SLC30A8: variants seen among roughly 807,000 people sequenced by gnomAD.
SLC30A8 encodes the protein solute carrier family 30 member 8, also known as proton-coupled zinc antiporter SLC30A8.
Under a neutral mutation model 36.9 loss-of-function variants are expected in SLC30A8, and 27 were observed. That is an observed-to-expected ratio of 0.73 (90% CI 0.54 to 1.01). The LOEUF is 1.01. Among genes scored for constraint, SLC30A8 ranks in the 50% least tolerant of loss-of-function variants. SLC30A8 has a pLI of 0.00. For missense variants in SLC30A8, 439 were observed against 452.0 expected (o/e 0.97, Z 0.26); for synonymous variants, 164 against 172.4 (o/e 0.95, Z 0.38).
chr8:117,065,286 T>G (rs959715090), intron 2 of SLC30A8, among the ~76,000 whole-genome samples: 4 of 152,116 alleles, frequency 2.6e-5, no homozygotes, highest in African/African-American at 4.8e-5. Flanking sequence ...GTGTCTAACA[T>G]TTGTGAGTTG....
chr8:117,100,775 C>A (rs1407458399), intron 2 of SLC30A8, among the ~76,000 whole-genome samples: 2 of 152,166 alleles, frequency 1.3e-5, no homozygotes, highest in African/African-American at 4.8e-5. Flanking sequence ...TTGAAGAAAC[C>A]TGTACTCATT....
intron 2 of SLC30A8, among the ~76,000 whole-genome samples, chr8:117,114,255 T>C (rs908650604): frequency 2.0e-5 from 3 of 152,098 alleles, no homozygotes; most frequent in African/African-American, 7.2e-5. Flanking sequence ...AGATTAGGAT[T>C]TGAATGGAAA....
chr8:117,076,718 TTATC>T, intron 2 of SLC30A8, among the ~76,000 whole-genome samples: 1 of 152,302 alleles, frequency 6.6e-6, no homozygotes, highest in East Asian at 1.9e-4. Flanking sequence ...ATTACCTTAT[TTATC>T]TATCTCCACT....
intron 1 of SLC30A8, among the ~76,000 whole-genome samples, chr8:116,956,813 A>C (rs1814222099): frequency 6.6e-6 from 1 of 152,226 alleles, no homozygotes; most frequent in Non-Finnish European, 1.5e-5. Context: ...CGAAGTAAAA[A>C]TGTTAAAATA....
chr8:117,015,546 CCCA>C (rs1271305480), intron 1 of SLC30A8, among the ~76,000 whole-genome samples: 1 of 151,524 alleles, frequency 6.6e-6, no homozygotes, highest in African/African-American at 2.4e-5. Flanking sequence ...ACCCCCCCCC[CCCA>C]AAAAAAAGAG....
intron 1 of SLC30A8, among the ~76,000 whole-genome samples, chr8:116,956,649 GTCTC>G (rs918031877): frequency 6.6e-6 from 1 of 152,118 alleles, no homozygotes; most frequent in African/African-American, 2.4e-5. Flanking sequence ...CAATTGGATA[GTCTC>G]TCTCTTATTT....
intron 1 of SLC30A8, among the ~76,000 whole-genome samples, chr8:116,975,204 C>T (rs1814947271): frequency 6.6e-6 from 1 of 152,058 alleles, no homozygotes; most frequent in African/African-American, 2.4e-5. Context: ...AAGATAAGCT[C>T]TTTTCCTTAT....
chr8:117,071,823 GA>G (rs1818339009), intron 2 of SLC30A8, among the ~76,000 whole-genome samples: 1 of 151,810 alleles, frequency 6.6e-6, no homozygotes, highest in African/African-American at 2.4e-5. Context: ...CTGTATACTA[GA>G]TTTACCATTT....
chr8:117,087,603 A>G (rs892866215), intron 2 of SLC30A8, among the ~76,000 whole-genome samples: 4 of 150,760 alleles, frequency 2.7e-5, no homozygotes, highest in African/African-American at 9.8e-5. Context: ...TGTATTTGGT[A>G]CTCTCTATGA....
At chr8:117,124,407 T>A (rs1376881172) in intron 2 of SLC30A8, among the ~76,000 whole-genome samples, 1 of 151,902 alleles carries the variant, frequency 6.6e-6, no homozygotes, top group Non-Finnish European at 1.5e-5. Context: ...GTAGAGAGGC[T>A]CTGCTGATTC....
intron 2 of SLC30A8, among the ~76,000 whole-genome samples, chr8:117,086,506 A>T (rs1178487493): frequency 6.6e-6 from 1 of 152,208 alleles, no homozygotes; most frequent in East Asian, 1.9e-4. Context: ...TTCCAGCAAC[A>T]AGCACCTTAC....
At chr8:117,003,866 G>A (rs1816091009) in intron 1 of SLC30A8, among the ~76,000 whole-genome samples, 1 of 152,150 alleles carries the variant, frequency 6.6e-6, no homozygotes, top group South Asian at 2.1e-4. Context: ...TGACATCTCT[G>A]TCTTGCTTAT....
intron 1 of SLC30A8, among the ~76,000 whole-genome samples, chr8:116,954,414 A>C (rs762040342): frequency 2.6e-5 from 4 of 152,236 alleles, no homozygotes; most frequent in Non-Finnish European, 5.9e-5. Context: ...AAATGTCAAC[A>C]TCTGATGGCT....
intron 1 of SLC30A8, among the ~76,000 whole-genome samples, chr8:117,028,729 AATATAT>A (rs570957079): frequency 6.6e-6 from 1 of 151,590 alleles, no homozygotes; most frequent in African/African-American, 2.4e-5. Context: ...ACATATGACA[AATATAT>A]ATATATGTAG....
At chr8:117,162,421 G>C (rs1266042315) in intron 5 of SLC30A8, among the ~76,000 whole-genome samples, 4 of 152,068 alleles carry the variant, frequency 2.6e-5, no homozygotes, top group Non-Finnish European at 5.9e-5. Context: ...CCCACAATGG[G>C]GGAGAGGTAA....
At chr8:117,124,677 A>G (rs2130908767) in intron 2 of SLC30A8, among the ~76,000 whole-genome samples, 1 of 151,360 alleles carries the variant, frequency 6.6e-6, no homozygotes, top group Admixed American at 6.6e-5. Flanking sequence ...TTAGAAAATC[A>G]GTGAATAACG....
At chr8:116,955,618 T>A (rs1226801321) in intron 1 of SLC30A8, among the ~76,000 whole-genome samples, 1 of 151,390 alleles carries the variant, frequency 6.6e-6, no homozygotes, top group Non-Finnish European at 1.5e-5. Context: ...TAGTTGCAGC[T>A]ACTTGGGAGG....
chr8:117,075,566 A>T (rs1159682624), intron 2 of SLC30A8, among the ~76,000 whole-genome samples: 1 of 152,212 alleles, frequency 6.6e-6, no homozygotes, highest in Non-Finnish European at 1.5e-5. Flanking sequence ...TGTGGCTTCA[A>T]ATGCAATTTT....
At chr8:117,159,074 G>T (rs1822646098) in intron 4 of SLC30A8, among the ~76,000 whole-genome samples, 1 of 152,186 alleles carries the variant, frequency 6.6e-6, no homozygotes, top group Non-Finnish European at 1.5e-5. Flanking sequence ...CTGGAGCCAA[G>T]TGGCCTCTGG....
Sources: gnomAD v4.1 joint callset for allele counts (sites outside exome capture counted in the v4.1 genomes callset) on GRCh38, gnomAD v4.1.1 for gene constraint, MANE v1.5 for transcripts, NCBI Gene and HGNC (gene_info 2026-07-23, HGNC 2026-07-21) for gene names.